GAB2: variants seen among roughly 807,000 people sequenced by gnomAD.
GAB2 encodes the protein GRB2-associated-binding protein 2.
A neutral mutation model predicts 65.5 loss-of-function variants in GAB2; 26 were observed. The ratio of observed to expected loss-of-function variants is 0.40; its 90% CI spans 0.29 to 0.55. GAB2 has a LOEUF of 0.55. Ranked by LOEUF, GAB2 falls within the 20% of genes least tolerant of loss-of-function variation. The pLI is 0.53. For synonymous variants in GAB2, 321 were observed against 329.6 expected (o/e 0.97, Z 0.28); for missense variants, 884 against 875.8 (o/e 1.01, Z -0.12).
At chr11:78,278,529 C>T (rs151054452) in intron 2 of GAB2, among the ~76,000 whole-genome samples, 35 of 151,658 alleles carry the variant, frequency 2.3e-4, no homozygotes, top group African/African-American at 7.5e-4. Flanking sequence ...TACAGGTGCA[C>T]GTCACCACAG....
intron 1 of GAB2, among the ~76,000 whole-genome samples, chr11:78,318,903 C>T (rs1855669169): frequency 1.3e-5 from 2 of 152,206 alleles, no homozygotes; most frequent in Admixed American, 1.3e-4. Flanking sequence ...GAGCTGTTGG[C>T]TCATCCCTGG....
chr11:78,283,848 G>A (rs995006876), intron 1 of GAB2, among the ~76,000 whole-genome samples: 1 of 150,792 alleles, frequency 6.6e-6, no homozygotes, highest in Admixed American at 6.6e-5. Flanking sequence ...CCTGACATCC[G>A]AACATTAGAA....
At chr11:78,386,999 A>T (rs1173932551) in intron 1 of GAB2, among the ~76,000 whole-genome samples, 1 of 152,224 alleles carries the variant, frequency 6.6e-6, no homozygotes, top group Non-Finnish European at 1.5e-5. Context: ...TGTTAGATTT[A>T]GACATTAAAC....
At chr11:78,322,613 A>C (rs2134664835) in intron 1 of GAB2, among the ~76,000 whole-genome samples, 1 of 152,178 alleles carries the variant, frequency 6.6e-6, no homozygotes, top group African/African-American at 2.4e-5. Flanking sequence ...AATTCAATAA[A>C]AAACACAAAT....
chr11:78,384,803 A>G (rs1341262342), intron 1 of GAB2, among the ~76,000 whole-genome samples: 1 of 152,232 alleles, frequency 6.6e-6, no homozygotes, highest in Non-Finnish European at 1.5e-5. Flanking sequence ...CAGCCTGTAT[A>G]TGAAAGAGCT....
At chr11:78,324,652 AGT>A in intron 1 of GAB2, 1 of 152,342 alleles carries the variant, frequency 6.6e-6, no homozygotes, top group East Asian at 1.9e-4. Flanking sequence ...CTTTATACAT[AGT>A]GTCTCATTAT....
chr11:78,331,335 T>A (rs1256053906), intron 1 of GAB2, among the ~76,000 whole-genome samples: 1 of 150,126 alleles, frequency 6.7e-6, no homozygotes, highest in Non-Finnish European at 1.5e-5. Context: ...AATCTCTGCC[T>A]CCCAGGTTCA....
chr11:78,345,843 C>T (rs1856171109), intron 1 of GAB2, among the ~76,000 whole-genome samples: 1 of 152,164 alleles, frequency 6.6e-6, no homozygotes, highest in Non-Finnish European at 1.5e-5. Context: ...ACCGACTGTC[C>T]TCATCCTACC....
At chr11:78,371,890 T>C (rs1356675559) in intron 1 of GAB2, among the ~76,000 whole-genome samples, 2 of 152,228 alleles carry the variant, frequency 1.3e-5, no homozygotes, top group Non-Finnish European at 1.5e-5. Flanking sequence ...CCATCTCTTA[T>C]TACAAGGGTA....
chr11:78,219,439 G>C (rs760451268), intron 9 of GAB2, 24 bp from the exon 10 acceptor site: 2 of 1,612,206 alleles, frequency 1.2e-6, no homozygotes, highest in South Asian at 1.1e-5. Context: ...GTGGGAAAGA[G>C]GGAGTAGCTG....
intron 5 of GAB2, among the ~76,000 whole-genome samples, chr11:78,223,943 G>A (rs763722364): frequency 1.3e-5 from 2 of 152,144 alleles, no homozygotes; most frequent in Non-Finnish European, 2.9e-5. Flanking sequence ...TTAGCTGGGC[G>A]TGGTGGCATA....
chr11:78,224,987 T>G, intron 5 of GAB2, 121 bp downstream of exon 5: 1 of 660,388 alleles, frequency 1.5e-6, no homozygotes, highest in Non-Finnish European at 2.7e-6. Flanking sequence ...GACAAGAACT[T>G]GGGCAGGGTC....
intron 4 of GAB2, 50 bp downstream of exon 4, chr11:78,226,415 C>T: frequency 7.1e-7 from 1 of 1,408,324 alleles, no homozygotes. Flanking sequence ...ATTGAGAACC[C>T]CTGTGTTACC....
At chr11:78,238,325 G>A (rs1865041232) in intron 3 of GAB2, among the ~76,000 whole-genome samples, 2 of 151,104 alleles carry the variant, frequency 1.3e-5, no homozygotes, top group South Asian at 2.1e-4. Flanking sequence ...ACAACATAGC[G>A]AGACCATATC....
Position 78,307,653 on chromosome 11 carries a change from C to T in GAB2, c.76-26752G>A, listed in dbSNP as rs561250680. ...GAGAGAGATGTTGAGTCAAAAGATA[C>T]GATTTAAAGGGGCTCCCAATGTCCA... On this transcript the variant is annotated intron_variant, in intron 1 of 9. Transcript: ENST00000361507. 1.7e-4 allele frequency among the ~76,000 whole-genome samples: 23 copies of T among 131,934 alleles called. No homozygotes were observed. In the Middle Eastern group the frequency reaches 0.013, roughly 75 times the overall value. The allele number at this position is 131,934 out of a possible 152,430, so 86.6% of individuals were successfully genotyped here.
chr11:78,251,509 A>G (rs2134525558), intron 2 of GAB2, among the ~76,000 whole-genome samples: 1 of 152,346 alleles, frequency 6.6e-6, no homozygotes. Flanking sequence ...ATTCCTTAGC[A>G]TAACATACAA....
At chr11:78,268,628 G>A (rs1013445133) in intron 2 of GAB2, among the ~76,000 whole-genome samples, 20 of 152,064 alleles carry the variant, frequency 1.3e-4, no homozygotes, top group Admixed American at 1.2e-3. Flanking sequence ...TGGCGCTGTG[G>A]AGTTGGGACG....
intron 1 of GAB2, among the ~76,000 whole-genome samples, chr11:78,336,954 G>T (rs1377070453): frequency 6.6e-6 from 1 of 152,168 alleles, no homozygotes; most frequent in Non-Finnish European, 1.5e-5. Flanking sequence ...TCATAGTAAA[G>T]GGAAGAAAAG....
chr11:78,344,456 G>C (rs1257564200), intron 1 of GAB2, among the ~76,000 whole-genome samples: 2 of 152,214 alleles, frequency 1.3e-5, no homozygotes, highest in African/African-American at 4.8e-5. Flanking sequence ...GCAAGTGACG[G>C]AAAGAGAATC....
Sources: allele counts gnomAD v4.1 joint callset (sites outside exome capture counted in the v4.1 genomes callset), GRCh38; gene constraint gnomAD v4.1.1; transcripts MANE v1.5; gene names NCBI Gene and HGNC (gene_info 2026-07-23, HGNC 2026-07-21).